Variants in PCDH9 observed in about 807,000 individuals in gnomAD.
PCDH9 encodes protocadherin-9.
Under a neutral mutation model 70.6 loss-of-function variants are expected in PCDH9, and 24 were observed. The observed-to-expected ratio is 0.34, with a 90% CI of 0.25 to 0.48. The LOEUF (loss-of-function observed/expected upper bound fraction) is 0.48. Ranked by LOEUF, PCDH9 falls within the 20% of genes least tolerant of loss-of-function variation. The probability of loss-of-function intolerance (pLI) is 0.99; values close to 1 mark genes in which losing one functional copy is unlikely to be tolerated. For missense variants in PCDH9, 1,281 were observed against 1,503.6 expected, an observed-to-expected ratio of 0.85 and a Z score of 2.45; for synonymous variants, 562 against 558.5, an observed-to-expected ratio of 1.01 and a Z score of -0.09.
chr13:66,890,327 G>C (rs1460603223), intron 3 of PCDH9, among the ~76,000 whole-genome samples: 16 of 151,864 alleles, frequency 1.1e-4, no homozygotes, highest in Non-Finnish European at 1.5e-4. Context: ...AACCTTTTAG[G>C]AGTAATTCTA....
intron 3 of PCDH9, among the ~76,000 whole-genome samples, chr13:66,837,149 A>C (rs1316221127): frequency 1.3e-5 from 2 of 152,148 alleles, no homozygotes; most frequent in Non-Finnish European, 2.9e-5. Flanking sequence ...TTCAGCTTGC[A>C]CTTTTGAGGT....
chr13:66,752,479 T>C lies in PCDH9; in HGVS notation c.3139-121068A>G, dbSNP rs141432241. ...GCTCAGCTGTTTTTTGTATTTTTTG[T>C]AGAGACAGGGTTTCACCATGTTGCC... is the stretch of plus-strand genomic sequence containing the variant. On this transcript the variant is annotated intron_variant, in intron 3 of 4. Coordinates refer to ENST00000377865, the MANE Select transcript of PCDH9 (RefSeq NM_203487.3). Among the ~76,000 whole-genome samples the C allele has an allele frequency of 7.9e-3, 1,198 of 152,224 alleles. 14 individuals carry two copies. Among genetic ancestry groups the C allele is most frequent in the African/African-American group, 0.027 (1,121 of 41,534 alleles).
chr13:66,994,934 A>C (rs1027635751), intron 2 of PCDH9, among the ~76,000 whole-genome samples: 1 of 152,168 alleles, frequency 6.6e-6, no homozygotes, highest in Non-Finnish European at 1.5e-5. Flanking sequence ...AACCTTTTAA[A>C]CGGGCTTAAG....
intron 3 of PCDH9, among the ~76,000 whole-genome samples, chr13:66,872,970 A>T (rs910074083): frequency 6.6e-6 from 1 of 152,178 alleles, no homozygotes; most frequent in African/African-American, 2.4e-5. Flanking sequence ...TGATGATAGG[A>T]AGAAGATAGC....
chr13:66,818,944 C>CAAAAAA (rs1477827644), intron 3 of PCDH9, among the ~76,000 whole-genome samples: 5 of 149,844 alleles, frequency 3.3e-5, no homozygotes. Flanking sequence ...CAAAAAAAAA[C>CAAAAAA]AAAAAACAAA....
intron 3 of PCDH9, among the ~76,000 whole-genome samples, chr13:66,697,521 T>G (rs988278612): frequency 6.6e-6 from 1 of 152,240 alleles, no homozygotes. Context: ...CCATTTTTAA[T>G]TTAAGACTTA....
At position 66,440,378 on chromosome 13, in the gene PCDH9, GATT is replaced by G. The variant is rs200653494; in HGVS notation, c.3341-135353_3341-135351del. 5.6e-3 allele frequency among the ~76,000 whole-genome samples: 850 copies of G among 152,160 alleles called. 4 individuals are homozygous for G. The highest frequency in any genetic ancestry group is 9.7e-3 in the Non-Finnish European group (659 of 67,962). On this transcript the variant is annotated intron_variant, in intron 4 of 4. Coordinates refer to ENST00000377865, the MANE Select transcript of PCDH9 (RefSeq NM_203487.3). The stretch of plus-strand genomic sequence containing the variant: ...AGAGAAATTAGGTCATTGATTAATT[GATT>G]ATTAATTTCCTGTGCTTGATGTCTG...
chr13:66,727,751 G>A (rs988475185), intron 3 of PCDH9, among the ~76,000 whole-genome samples: 3 of 152,006 alleles, frequency 2.0e-5, no homozygotes, highest in African/African-American at 7.2e-5. Flanking sequence ...AATGATGTTT[G>A]ATATTGAAAT....
chr13:66,422,928 G>T (rs574316192), intron 4 of PCDH9, among the ~76,000 whole-genome samples: 1 of 152,060 alleles, frequency 6.6e-6, no homozygotes. Context: ...TAATAAAGAA[G>T]AAAAGAGAGA....
intron 3 of PCDH9, among the ~76,000 whole-genome samples, chr13:66,775,155 T>A (rs968360301): frequency 6.6e-6 from 1 of 152,210 alleles, no homozygotes; most frequent in South Asian, 2.1e-4. Flanking sequence ...GTTTGCTTTT[T>A]AAAAAGTATC....
chr13:66,860,262 C>T (rs928311567), intron 3 of PCDH9, among the ~76,000 whole-genome samples: 5 of 152,100 alleles, frequency 3.3e-5, no homozygotes, highest in Admixed American at 1.3e-4. Flanking sequence ...TCCATAAGAC[C>T]TCACTCTACC....
chr13:66,558,131 A>G (rs1233123865), intron 4 of PCDH9, among the ~76,000 whole-genome samples: 1 of 152,190 alleles, frequency 6.6e-6, no homozygotes, highest in Admixed American at 6.5e-5. Flanking sequence ...CTCCAGCCGG[A>G]ACAACAGAGC....
At chr13:66,360,200 G>A (rs952751331) in intron 4 of PCDH9, among the ~76,000 whole-genome samples, 1 of 152,058 alleles carries the variant, frequency 6.6e-6, no homozygotes, top group South Asian at 2.1e-4. Flanking sequence ...TCGGATATTA[G>A]TGTGATCATT....
intron 4 of PCDH9, among the ~76,000 whole-genome samples, chr13:66,315,410 A>G (rs1955632998): frequency 6.6e-6 from 1 of 152,200 alleles, no homozygotes; most frequent in Non-Finnish European, 1.5e-5. Flanking sequence ...TACTCAAATC[A>G]CATAACCAAG....
At chr13:67,190,788 A>G (rs1297497251) in intron 2 of PCDH9, among the ~76,000 whole-genome samples, 1 of 152,048 alleles carries the variant, frequency 6.6e-6, no homozygotes, top group Non-Finnish European at 1.5e-5. Flanking sequence ...AACCCTTCTT[A>G]TCTCCCAGAA....
chr13:66,421,585 T>C (rs1394645497), intron 4 of PCDH9, among the ~76,000 whole-genome samples: 2 of 152,056 alleles, frequency 1.3e-5, no homozygotes, highest in Admixed American at 1.3e-4. Flanking sequence ...GAAGGAGAAA[T>C]AAAATCTTTT....
intron 2 of PCDH9, among the ~76,000 whole-genome samples, chr13:67,194,985 C>T (rs1190917104): frequency 6.6e-6 from 1 of 152,002 alleles, no homozygotes; most frequent in Non-Finnish European, 1.5e-5. Context: ...GAAGAATTAC[C>T]GGCTTGATTG....
At chr13:66,703,753 C>A (rs912043978) in intron 3 of PCDH9, among the ~76,000 whole-genome samples, 7 of 151,836 alleles carry the variant, frequency 4.6e-5, no homozygotes, top group African/African-American at 1.2e-4. Flanking sequence ...CAAAAAGTAT[C>A]CAGGCATAGT....
intron 4 of PCDH9, among the ~76,000 whole-genome samples, chr13:66,630,980 GT>G (rs970205805): frequency 2.0e-5 from 3 of 151,804 alleles, no homozygotes; most frequent in Admixed American, 6.6e-5. Context: ...TTTATAGCAT[GT>G]TTTTTTCTTT....
Sources: gnomAD v4.1 joint callset for allele counts (sites outside exome capture counted in the v4.1 genomes callset) on GRCh38, gnomAD v4.1.1 for gene constraint, MANE v1.5 for transcripts, NCBI Gene and HGNC (gene_info 2026-07-23, HGNC 2026-07-21) for gene names.